The following ZNF492 variants were observed in gnomAD, a reference collection of about 807,000 sequenced individuals.
The protein encoded by ZNF492 is zinc finger protein 492, also known as zinc finger protein 115 (Y20).
In ZNF492, 3 loss-of-function variants were observed where a neutral mutation model predicts 6.4. That is an observed-to-expected ratio of 0.47 (90% confidence interval 0.21 to 1.22). The LOEUF (loss-of-function observed/expected upper bound fraction) is 1.22, where lower values mean the gene tolerates loss of function less well. ZNF492 is among the 50% of genes most tolerant of loss of function. The probability of loss-of-function intolerance (pLI) is 0.22; values close to 1 mark genes in which losing one functional copy is unlikely to be tolerated. For synonymous variants in ZNF492, 112 were observed against 205.3 expected, an observed-to-expected ratio of 0.55 and a Z score of 3.89; for missense variants, 356 against 612.5, an observed-to-expected ratio of 0.58 and a Z score of 4.42.
Position 22,644,535 on chromosome 19 carries a change from A to C in ZNF492, c.-93-8772A>C, listed in dbSNP as rs1338549856. 9.9e-5 allele frequency among the ~76,000 whole-genome samples: 15 copies of C among 152,242 alleles called. 1 individual carries two copies. The highest frequency in any genetic ancestry group is 6.2e-4 in the South Asian group (3 of 4,820). The stretch of plus-strand genomic sequence containing the variant: ...AGGATGATGACTTCCAGCTTAATCC[A>C]TGTTCCTACAAAGGACATGATCTCA... On this transcript the variant is annotated intron_variant, in intron 1 of 3. Coordinates refer to ENST00000456783, the MANE Select transcript of ZNF492 (RefSeq NM_020855.3).
chr19:22,644,131 T>C (rs1379896972), intron 1 of ZNF492, among the ~76,000 whole-genome samples: 1 of 149,456 alleles, frequency 6.7e-6, no homozygotes, highest in Non-Finnish European at 1.5e-5. Context: ...GCTGACACTT[T>C]TCAAGGCATA....
chr19:22,638,225 A>G (rs1438078815), intron 1 of ZNF492, among the ~76,000 whole-genome samples: 1 of 152,088 alleles, frequency 6.6e-6, no homozygotes, highest in African/African-American at 2.4e-5. Context: ...ATTAGCTTCA[A>G]TTTGTCAATT....
chr19:22,639,605 G>A (rs1304686823), intron 1 of ZNF492, among the ~76,000 whole-genome samples: 1 of 151,366 alleles, frequency 6.6e-6, no homozygotes, highest in Non-Finnish European at 1.5e-5. Context: ...AGCTACTCAG[G>A]AAGGCTGAGG....
rs759725885 is a variant in ZNF492, at chr19:22,665,049, G to A, written c.1380G>A (p.Gln460=). 6.3e-7 allele frequency: 1 copy of A among 1,594,806 alleles called. No individual in the cohort carries two copies. Among genetic ancestry groups the A allele is most frequent in the Non-Finnish European group, 8.5e-7 (1 of 1,173,574 alleles). Residue 460 remains glutamine (Q), a synonymous_variant, in exon 4 of 4, where the codon CAG becomes CAA. Transcript: ENST00000456783. Reference sequence around the variant, plus strand: ...AAGAATGTGGCAAAGCTTTTAACCAGTCCTCACACCTTACTACACATAAGA... The same window carrying A: ...AAGAATGTGGCAAAGCTTTTAACCAATCCTCACACCTTACTACACATAAGA... ...KYEECGKAFN[Q]SSHLTTHKMI...
intron 3 of ZNF492, among the ~76,000 whole-genome samples, chr19:22,661,653 A>G (rs1972060160): frequency 6.6e-6 from 1 of 151,998 alleles, no homozygotes; most frequent in South Asian, 2.1e-4. Flanking sequence ...CTGCAGTGCA[A>G]TGGCATGGTC....
intron 3 of ZNF492, among the ~76,000 whole-genome samples, chr19:22,661,282 G>A (rs1203409277): frequency 1.3e-5 from 2 of 151,618 alleles, no homozygotes; most frequent in Non-Finnish European, 2.9e-5. Context: ...CTGTGTTCCT[G>A]TTTCACTCAT....
At chr19:22,639,027 A>T (rs1206423240) in intron 1 of ZNF492, among the ~76,000 whole-genome samples, 1 of 151,946 alleles carries the variant, frequency 6.6e-6, no homozygotes, top group African/African-American at 2.4e-5. Flanking sequence ...TTTTTAGTAG[A>T]GATGGGGTTT....
At chr19:22,653,168 G>A in intron 1 of ZNF492, 139 bp from the exon 2 acceptor site, 1 of 1,010,772 alleles carries the variant, frequency 9.9e-7, no homozygotes, top group Non-Finnish European at 1.4e-6. Context: ...CTTCTGTGCT[G>A]AAAGTTATTT....
At chr19:22,637,818 G>A (rs1164468053) in intron 1 of ZNF492, among the ~76,000 whole-genome samples, 2 of 152,128 alleles carry the variant, frequency 1.3e-5, no homozygotes, top group African/African-American at 4.8e-5. Flanking sequence ...TATAGTGGTT[G>A]AATAATTTAC....
intron 1 of ZNF492, among the ~76,000 whole-genome samples, chr19:22,643,436 A>G (rs1211846501): frequency 6.6e-6 from 1 of 152,220 alleles, no homozygotes; most frequent in Non-Finnish European, 1.5e-5. Flanking sequence ...TTGTGACAAG[A>G]GTGCCAAGTA....
chr19:22,641,172 T>A (rs1409104573), intron 1 of ZNF492, among the ~76,000 whole-genome samples: 2 of 152,222 alleles, frequency 1.3e-5, no homozygotes, highest in African/African-American at 4.8e-5. Context: ...CTTCTCTCAG[T>A]GTTTTATTTA....
chr19:22,645,461 TCTGTAGGTTGC>T (rs1343557586), intron 1 of ZNF492, among the ~76,000 whole-genome samples: 2 of 152,218 alleles, frequency 1.3e-5, no homozygotes, highest in African/African-American at 4.8e-5. Context: ...TTTCTCCTAT[TCTGTAGGTTGC>T]CTGTTCACTC....
intron 3 of ZNF492, among the ~76,000 whole-genome samples, chr19:22,660,372 A>G (rs187811424): frequency 2.0e-5 from 3 of 150,360 alleles, no homozygotes; most frequent in African/African-American, 7.3e-5. Context: ...TTGTATTGAT[A>G]TGCTTTTACT....
intron 3 of ZNF492, among the ~76,000 whole-genome samples, chr19:22,658,273 T>G (rs71355984): frequency 0.22 from 28,177 of 130,514 alleles, 3,342 homozygotes; most frequent in African/African-American, 0.38. Flanking sequence ...ATTTTAAAAC[T>G]TAGCCAGACA....
At chr19:22,641,624 A>G (rs545512076) in intron 1 of ZNF492, among the ~76,000 whole-genome samples, 14 of 152,234 alleles carry the variant, frequency 9.2e-5, no homozygotes, top group African/African-American at 2.9e-4. Flanking sequence ...CTGTTTAGTC[A>G]AGTGTTGAGT....
chr19:22,660,881 A>G (rs1972051455), intron 3 of ZNF492, among the ~76,000 whole-genome samples: 1 of 144,708 alleles, frequency 6.9e-6, no homozygotes. Flanking sequence ...GGCAGGACAG[A>G]TTTGTTGATG....
intron 3 of ZNF492, among the ~76,000 whole-genome samples, chr19:22,662,383 G>A (rs1350946087): frequency 8.5e-5 from 13 of 152,212 alleles, no homozygotes; most frequent in Middle Eastern, 6.8e-3. Flanking sequence ...GAATAGTGCC[G>A]CAATAAATAT....
chr19:22,659,563 C>A (rs1972033381), intron 3 of ZNF492, among the ~76,000 whole-genome samples: 1 of 126,066 alleles, frequency 7.9e-6, no homozygotes, highest in Non-Finnish European at 1.5e-5. Context: ...ATGTGAGATA[C>A]ACACACACAC....
chr19:22,634,556 G>A, intron 1 of ZNF492, 82 bp downstream of exon 1: 1 of 1,257,484 alleles, frequency 8.0e-7, no homozygotes, highest in Non-Finnish European at 1.1e-6. Flanking sequence ...CGGGACTCAG[G>A]CCTCCCCGCA....
Sources: allele counts gnomAD v4.1 joint callset (sites outside exome capture counted in the v4.1 genomes callset), GRCh38; gene constraint gnomAD v4.1.1; transcripts MANE v1.5; gene names NCBI Gene and HGNC (gene_info 2026-07-23, HGNC 2026-07-21).